Variants in KCNQ5 observed in about 807,000 individuals in gnomAD.
KCNQ5 encodes the protein potassium voltage-gated channel subfamily Q member 5, also known as potassium voltage-gated channel subfamily KQT member 5.
A neutral mutation model predicts 98.2 loss-of-function variants in KCNQ5; 30 were observed. The observed-to-expected ratio is 0.31, with a 90% CI of 0.23 to 0.41. The LOEUF (loss-of-function observed/expected upper bound fraction) is 0.41. KCNQ5 is among the 10% of genes least tolerant of loss of function. The pLI is 1.00. For missense variants in KCNQ5, 835 were observed against 1,182.5 expected, an observed-to-expected ratio of 0.71 and a Z score of 4.31; for synonymous variants, 458 against 449.4, an observed-to-expected ratio of 1.02 and a Z score of -0.24.
Position 72,709,134 on chromosome 6 carries a change from C to T in KCNQ5, c.398+86547C>T, listed in dbSNP as rs141309967. Among the ~76,000 whole-genome samples the T allele has an allele frequency of 6.2e-3, 947 of 152,274 alleles. 5 individuals carry two copies. Among genetic ancestry groups the T allele is most frequent in the Middle Eastern group, 0.037 (11 of 294 alleles). On this transcript the variant is annotated intron_variant, in intron 1 of 13. Coordinates refer to ENST00000370398, the MANE Select transcript of KCNQ5 (RefSeq NM_019842.4). ...TGCTGGGATTACAGGCATGAGGCAC[C>T]ATGCCCAGTGATCAGTTTTCCTTCC...
intron 1 of KCNQ5, among the ~76,000 whole-genome samples, chr6:72,931,554 G>A (rs1185316748): frequency 3.3e-5 from 5 of 152,116 alleles, no homozygotes; most frequent in Non-Finnish European, 7.3e-5. Context: ...ATGGACAAGT[G>A]GTAACTGACT....
At position 73,169,804 on chromosome 6, in the gene KCNQ5, A is replaced by G. The variant is rs750580602; in HGVS notation, c.1527A>G (p.Val509=). 7.4e-6 allele frequency: 12 copies of G among 1,614,050 alleles called. No individual in the cohort carries two copies. Among genetic ancestry groups the G allele is most frequent in the Non-Finnish European group, 1.0e-5 (12 of 1,179,898 alleles). ...ATGAAAAAGGATGCCAGTGTGATGT[A>G]TCAGTGGAAGACCTCACCCCACCAC... ...VYDEKGCQCD[V]SVEDLTPPLK... Residue 509 remains valine, a synonymous_variant, in exon 11 of 14, where the codon GTA becomes GTG. Transcript: ENST00000370398.
chr6:72,844,773 A>T (rs1429591829), intron 1 of KCNQ5, among the ~76,000 whole-genome samples: 1 of 152,230 alleles, frequency 6.6e-6, no homozygotes, highest in Non-Finnish European at 1.5e-5. Flanking sequence ...CCTAAATTAC[A>T]TGAAGGTTGT....
At chr6:72,676,034 C>T (rs967014375) in intron 1 of KCNQ5, among the ~76,000 whole-genome samples, 3 of 152,162 alleles carry the variant, frequency 2.0e-5, no homozygotes, top group Admixed American at 2.0e-4. Context: ...TTTGGAGATA[C>T]AATTATTATA....
At chr6:72,975,987 T>C (rs1043056628) in intron 1 of KCNQ5, among the ~76,000 whole-genome samples, 2 of 152,218 alleles carry the variant, frequency 1.3e-5, no homozygotes, top group Non-Finnish European at 1.5e-5. Flanking sequence ...GTCTAATCAG[T>C]TGAAAGTAAC....
At chr6:72,881,859 T>C (rs941536984) in intron 1 of KCNQ5, among the ~76,000 whole-genome samples, 6 of 152,126 alleles carry the variant, frequency 3.9e-5, no homozygotes, top group East Asian at 1.9e-4. Context: ...GCTTAACTAA[T>C]TTTTGTATTT....
At chr6:72,790,462 C>T (rs1197022482) in intron 1 of KCNQ5, among the ~76,000 whole-genome samples, 1 of 152,046 alleles carries the variant, frequency 6.6e-6, no homozygotes, top group Admixed American at 6.6e-5. Context: ...CAATTGTACT[C>T]ATGGAGATAG....
chr6:73,050,329 A>C (rs572902382), intron 3 of KCNQ5, among the ~76,000 whole-genome samples: 315 of 138,992 alleles, frequency 2.3e-3, no homozygotes, highest in African/African-American at 8.0e-3. Flanking sequence ...GAAGGAAGGA[A>C]GGGAGGGAGG....
In KCNQ5 at chr6:73,144,571, T is replaced by C. The variant is rs147317020; in HGVS notation, c.1468+10930T>C. 2.9e-3 allele frequency among the ~76,000 whole-genome samples: 448 copies of C among 152,326 alleles called. 2 individuals are homozygous for C. The highest frequency in any genetic ancestry group is 0.01 in the African/African-American group (428 of 41,566). On this transcript the variant is annotated intron_variant, in intron 10 of 13. Coordinates refer to ENST00000370398, the MANE Select transcript of KCNQ5 (RefSeq NM_019842.4). Reference sequence around the variant, plus strand: ...ATAATTTTGTGTTTTGATTGAAAAATGTCATGACCCTATATCTCTTCATGT... The same window carrying C: ...ATAATTTTGTGTTTTGATTGAAAAACGTCATGACCCTATATCTCTTCATGT...
intron 10 of KCNQ5, among the ~76,000 whole-genome samples, chr6:73,142,688 G>A (rs1307495571): frequency 1.3e-5 from 2 of 152,100 alleles, no homozygotes; most frequent in African/African-American, 4.8e-5. Flanking sequence ...GGCTGAGGGG[G>A]ATGGATCACC....
At chr6:72,965,743 A>T (rs1316216358) in intron 1 of KCNQ5, among the ~76,000 whole-genome samples, 1 of 152,230 alleles carries the variant, frequency 6.6e-6, no homozygotes, top group African/African-American at 2.4e-5. Flanking sequence ...TCTTATTAGC[A>T]TTTAAATTTT....
chr6:72,788,872 C>T (rs969065911), intron 1 of KCNQ5, among the ~76,000 whole-genome samples: 13 of 152,110 alleles, frequency 8.5e-5, no homozygotes, highest in Non-Finnish European at 7.4e-5. Flanking sequence ...TTAGGAAAAA[C>T]ATAGGCCATC....
At chr6:73,099,470 T>C (rs1019248173) in intron 5 of KCNQ5, among the ~76,000 whole-genome samples, 7 of 151,738 alleles carry the variant, frequency 4.6e-5, no homozygotes, top group Admixed American at 1.3e-4. Context: ...AGATTGAAAA[T>C]AAAGGGATAA....
Position 73,016,180 on chromosome 6 carries a change from G to A in KCNQ5, c.489+12182G>A, listed in dbSNP as rs1007559245. Among the ~76,000 whole-genome samples the A allele has an allele frequency of 3.3e-5, 5 of 152,132 alleles. No homozygotes were observed. The East Asian group carries it at 9.6e-4, about 29-fold the overall frequency. On this transcript the variant is annotated intron_variant, in intron 2 of 13. Coordinates refer to ENST00000370398, the MANE Select transcript of KCNQ5 (RefSeq NM_019842.4). ...AAGGAAAGTTTAGATAGTATGTTTA[G>A]AGAAGTCCACTGAAATGGGTGGCAG...
At chr6:73,118,229 C>T (rs569874134) in intron 7 of KCNQ5, among the ~76,000 whole-genome samples, 2 of 152,176 alleles carry the variant, frequency 1.3e-5, no homozygotes, top group African/African-American at 4.8e-5. Flanking sequence ...CTTCTAACAG[C>T]GTAGAATAGT....
Position 72,935,510 on chromosome 6 carries a change from A to G in KCNQ5, c.399-68398A>G, listed in dbSNP as rs542931114. 2.0e-5 allele frequency among the ~76,000 whole-genome samples: 3 copies of G among 152,244 alleles called. No homozygotes were observed. In the South Asian group the frequency reaches 6.2e-4, roughly 32 times the overall value. On this transcript the variant is annotated intron_variant, in intron 1 of 13. Coordinates refer to ENST00000370398, the MANE Select transcript of KCNQ5 (RefSeq NM_019842.4). ...TTCCCCTGCTAAGCATACTGCCGGC[A>G]CTCAGAAGCAGCTGCATCAAATCTT...
intron 5 of KCNQ5, among the ~76,000 whole-genome samples, chr6:73,100,751 A>C (rs920796559): frequency 2.6e-5 from 4 of 152,068 alleles, no homozygotes; most frequent in African/African-American, 9.6e-5. Context: ...TAGCCAGACT[A>C]AGAAAAAAGG....
chr6:72,769,908 C>T (rs1029144215), intron 1 of KCNQ5, among the ~76,000 whole-genome samples: 1 of 152,090 alleles, frequency 6.6e-6, no homozygotes, highest in African/African-American at 2.4e-5. Context: ...GTCAGCCAGA[C>T]TAAGAACTAT....
intron 1 of KCNQ5, among the ~76,000 whole-genome samples, chr6:72,949,129 A>G (rs899386073): frequency 3.3e-5 from 5 of 152,198 alleles, no homozygotes; most frequent in African/African-American, 1.2e-4. Flanking sequence ...TGGCTTTCTC[A>G]AATGGATGCT....
Sources: gnomAD v4.1 joint callset for allele counts (sites outside exome capture counted in the v4.1 genomes callset) on GRCh38, gnomAD v4.1.1 for gene constraint, MANE v1.5 for transcripts, NCBI Gene and HGNC (gene_info 2026-07-23, HGNC 2026-07-21) for gene names.